GPC6: variants seen among roughly 807,000 people sequenced by gnomAD.
The protein encoded by GPC6 is glypican-6.
In GPC6, 14 loss-of-function variants were observed where a neutral mutation model predicts 55.2. That is an observed-to-expected ratio of 0.25 (90% CI 0.17 to 0.40). GPC6 has a LOEUF of 0.40. Among genes scored for constraint, GPC6 ranks in the 10% least tolerant of loss-of-function variants. The probability of loss-of-function intolerance (pLI) is 1.00; values close to 1 mark genes in which losing one functional copy is unlikely to be tolerated. For missense variants in GPC6, 641 were observed against 708.5 expected (o/e 0.90, Z 1.08); for synonymous variants, 278 against 259.6 (o/e 1.07, Z -0.68).
intron 4 of GPC6, among the ~76,000 whole-genome samples, chr13:94,182,091 A>G (rs1889015353): frequency 1.3e-5 from 2 of 152,222 alleles, no homozygotes; most frequent in Non-Finnish European, 2.9e-5. Context: ...GAGAATTGAC[A>G]AAGGTATATG....
intron 2 of GPC6, among the ~76,000 whole-genome samples, chr13:93,695,908 C>A (rs562445797): frequency 6.6e-6 from 1 of 152,152 alleles, no homozygotes; most frequent in African/African-American, 2.4e-5. Flanking sequence ...CAGGAATAAA[C>A]AAAGATGATA....
chr13:93,243,106 T>C (rs902367141), intron 1 of GPC6, among the ~76,000 whole-genome samples: 2 of 152,132 alleles, frequency 1.3e-5, no homozygotes, highest in East Asian at 3.9e-4. Context: ...GTACTTGGGC[T>C]CATGGTGGCA....
chr13:94,130,444 C>T (rs1886969058), intron 4 of GPC6, among the ~76,000 whole-genome samples: 1 of 152,062 alleles, frequency 6.6e-6, no homozygotes, highest in Non-Finnish European at 1.5e-5. Flanking sequence ...TACCATAGCA[C>T]TGTGTTAGAA....
At chr13:93,333,173 A>G (rs143654099) in intron 1 of GPC6, among the ~76,000 whole-genome samples, 1 of 152,078 alleles carries the variant, frequency 6.6e-6, no homozygotes, top group African/African-American at 2.4e-5. Context: ...TACTTTGGCT[A>G]TTTGAAGTCT....
intron 2 of GPC6, among the ~76,000 whole-genome samples, chr13:93,599,670 A>G (rs1007455466): frequency 5.9e-5 from 9 of 152,232 alleles, no homozygotes; most frequent in Non-Finnish European, 1.3e-4. Context: ...GTGAAGATAA[A>G]GAATGTCTTC....
At chr13:93,971,740 G>T (rs902146630) in intron 3 of GPC6, among the ~76,000 whole-genome samples, 4 of 152,214 alleles carry the variant, frequency 2.6e-5, no homozygotes, top group African/African-American at 9.7e-5. Flanking sequence ...CAGCAAGCTT[G>T]CCCTTAGTGA....
chr13:94,010,725 T>G (rs1882210607), intron 3 of GPC6, among the ~76,000 whole-genome samples: 2 of 152,188 alleles, frequency 1.3e-5, no homozygotes, highest in Admixed American at 1.3e-4. Context: ...GTGGGAAGTA[T>G]TCTTAGAACT....
intron 1 of GPC6, among the ~76,000 whole-genome samples, chr13:93,308,173 T>C (rs1243813339): frequency 6.6e-6 from 1 of 152,066 alleles, no homozygotes; most frequent in Non-Finnish European, 1.5e-5. Context: ...CAGTCCCAGC[T>C]ACTCGGGAGG....
intron 1 of GPC6, among the ~76,000 whole-genome samples, chr13:93,351,300 T>C (rs553398520): frequency 1.0e-3 from 157 of 152,274 alleles, no homozygotes; most frequent in African/African-American, 3.4e-3. Flanking sequence ...CTCAGGCATT[T>C]TGCTGTAAAA....
intron 5 of GPC6, among the ~76,000 whole-genome samples, chr13:94,298,316 C>T (rs754734854): frequency 2.0e-5 from 3 of 152,128 alleles, no homozygotes; most frequent in Non-Finnish European, 4.4e-5. Context: ...CCTAATGATA[C>T]GTGAATGCTC....
At chr13:93,843,457 G>A (rs1466586858) in intron 3 of GPC6, among the ~76,000 whole-genome samples, 1 of 152,080 alleles carries the variant, frequency 6.6e-6, no homozygotes, top group African/African-American at 2.4e-5. Context: ...TAAGGAATGA[G>A]GCTGACAAAA....
chr13:93,697,119 T>C (rs1882488200), intron 2 of GPC6, among the ~76,000 whole-genome samples: 1 of 152,092 alleles, frequency 6.6e-6, no homozygotes, highest in Non-Finnish European at 1.5e-5. Flanking sequence ...TCAAGCTCCT[T>C]AGCATGACCT....
At chr13:94,366,218 AT>A (rs1879281421) in intron 6 of GPC6, among the ~76,000 whole-genome samples, 1 of 152,164 alleles carries the variant, frequency 6.6e-6, no homozygotes, top group South Asian at 2.1e-4. Context: ...AAGAATCTGA[AT>A]TTTTCAGCAA....
intron 1 of GPC6, among the ~76,000 whole-genome samples, chr13:93,319,489 G>A (rs1879357375): frequency 6.6e-6 from 1 of 152,144 alleles, no homozygotes; most frequent in Non-Finnish European, 1.5e-5. Flanking sequence ...TGCTATTACT[G>A]TCAGAGCTAA....
intron 1 of GPC6, among the ~76,000 whole-genome samples, chr13:93,540,150 AG>A (rs1882232967): frequency 6.6e-6 from 1 of 152,126 alleles, no homozygotes; most frequent in South Asian, 2.1e-4. Context: ...AATGAATGCC[AG>A]GCTGGCTTCT....
chr13:94,105,114 G>A (rs924788293), intron 4 of GPC6, among the ~76,000 whole-genome samples: 1 of 152,080 alleles, frequency 6.6e-6, no homozygotes, highest in South Asian at 2.1e-4. Flanking sequence ...CAGTACTGTG[G>A]GAGGCCGAGG....
chr13:93,468,601 C>T lies in GPC6; in HGVS notation c.161-76662C>T, dbSNP rs1355120960. 2.0e-5 allele frequency among the ~76,000 whole-genome samples: 3 copies of T among 152,032 alleles called. No homozygotes were observed. The East Asian group carries it at 5.8e-4, about 29-fold the overall frequency. ...GTACATAGAAAGTGAGGCTTACATT[C>T]ACAGCAATCAGAACAAACAAAGCCA... On this transcript the variant is annotated intron_variant, in intron 1 of 8. Transcript: ENST00000377047.
intron 3 of GPC6, among the ~76,000 whole-genome samples, chr13:93,918,243 G>A (rs1011075021): frequency 4.1e-4 from 62 of 152,238 alleles, no homozygotes; most frequent in African/African-American, 1.1e-3. Context: ...CACCTAATAT[G>A]TAGCATGACT....
At chr13:94,228,185 G>C (rs942861532) in intron 4 of GPC6, among the ~76,000 whole-genome samples, 6 of 152,100 alleles carry the variant, frequency 3.9e-5, no homozygotes, top group Non-Finnish European at 8.8e-5. Flanking sequence ...AATGCCTGCT[G>C]CACACACACT....
Sources: gnomAD v4.1 joint callset for allele counts (sites outside exome capture counted in the v4.1 genomes callset) on GRCh38, gnomAD v4.1.1 for gene constraint, MANE v1.5 for transcripts, NCBI Gene and HGNC (gene_info 2026-07-23, HGNC 2026-07-21) for gene names.